INPP4B: variants seen among roughly 807,000 people sequenced by gnomAD.
INPP4B encodes inositol polyphosphate 4-phosphatase type II.
A neutral mutation model predicts 122.5 loss-of-function variants in INPP4B; 55 were observed. The observed-to-expected ratio is 0.45, with a 90% CI of 0.36 to 0.56. INPP4B has a LOEUF of 0.56. Among genes scored for constraint, INPP4B ranks in the 20% least tolerant of loss-of-function variants. The pLI, the probability that INPP4B is intolerant of heterozygous loss-of-function variation, is 0.00. For synonymous variants in INPP4B, 403 were observed against 388.7 expected, an observed-to-expected ratio of 1.04 and a Z score of -0.43; for missense variants, 1,000 against 1,097.7, an observed-to-expected ratio of 0.91 and a Z score of 1.26.
chr4:142,825,596 A>C (rs535509429), intron 1 of INPP4B, among the ~76,000 whole-genome samples: 7 of 152,118 alleles, frequency 4.6e-5, no homozygotes, highest in Admixed American at 4.6e-4. Flanking sequence ...ACCGTACTAC[A>C]AAGAAGCAAG....
intron 2 of INPP4B, among the ~76,000 whole-genome samples, chr4:142,624,562 C>T (rs982797374): frequency 6.6e-6 from 1 of 152,104 alleles, no homozygotes; most frequent in Non-Finnish European, 1.5e-5. Flanking sequence ...CAAGAAGGAA[C>T]TTGTACCATT....
At chr4:142,820,503 A>C (rs1580993586) in intron 1 of INPP4B, among the ~76,000 whole-genome samples, 1 of 152,260 alleles carries the variant, frequency 6.6e-6, no homozygotes, top group East Asian at 1.9e-4. Context: ...TACAGCCTGC[A>C]GAACTGTGAG....
chr4:142,606,683 C>T (rs1741341522), intron 2 of INPP4B, among the ~76,000 whole-genome samples: 2 of 151,998 alleles, frequency 1.3e-5, no homozygotes, highest in South Asian at 4.1e-4. Context: ...TCATATGCAA[C>T]ACTCTGGCCT....
At chr4:142,491,976 G>A (rs967079412) in intron 2 of INPP4B, among the ~76,000 whole-genome samples, 8 of 152,114 alleles carry the variant, frequency 5.3e-5, no homozygotes, top group Non-Finnish European at 1.0e-4. Flanking sequence ...ATCTTGAATT[G>A]TAGTTCCCAT....
At chr4:142,195,881 C>T (rs1373022572) in intron 14 of INPP4B, among the ~76,000 whole-genome samples, 1 of 152,180 alleles carries the variant, frequency 6.6e-6, no homozygotes, top group Non-Finnish European at 1.5e-5. Flanking sequence ...GTGGCAGGCC[C>T]TGACACTTCA....
chr4:142,288,959 C>G (rs1755115282), intron 9 of INPP4B, among the ~76,000 whole-genome samples: 1 of 152,138 alleles, frequency 6.6e-6, no homozygotes, highest in South Asian at 2.1e-4. Flanking sequence ...TGGAATATTG[C>G]TTGGGTTTAT....
At chr4:142,088,342 T>A (rs995069350) in intron 23 of INPP4B, among the ~76,000 whole-genome samples, 1 of 152,170 alleles carries the variant, frequency 6.6e-6, no homozygotes, top group African/African-American at 2.4e-5. Context: ...TGTTGATAAA[T>A]GGCAACCAAA....
At chr4:142,297,678 A>T (rs1204780155) in intron 9 of INPP4B, among the ~76,000 whole-genome samples, 1 of 152,220 alleles carries the variant, frequency 6.6e-6, no homozygotes, top group Non-Finnish European at 1.5e-5. Context: ...ACCATGAGCC[A>T]ATTAAACCTC....
intron 9 of INPP4B, among the ~76,000 whole-genome samples, chr4:142,293,895 T>C (rs1008178852): frequency 1.3e-5 from 2 of 152,198 alleles, no homozygotes; most frequent in African/African-American, 4.8e-5. Context: ...TGCAGCAACA[T>C]GGATGGAACT....
intron 2 of INPP4B, among the ~76,000 whole-genome samples, chr4:142,696,423 G>C (rs1761034349): frequency 6.6e-6 from 1 of 152,148 alleles, no homozygotes; most frequent in Non-Finnish European, 1.5e-5. Context: ...ATCTAGCTGA[G>C]GGGACAAAAT....
At chr4:142,731,161 G>C (rs995780369) in intron 1 of INPP4B, among the ~76,000 whole-genome samples, 1 of 151,970 alleles carries the variant, frequency 6.6e-6, no homozygotes, top group Non-Finnish European at 1.5e-5. Flanking sequence ...GCCCAAGTGT[G>C]TATTGTTCCC....
intron 18 of INPP4B, among the ~76,000 whole-genome samples, chr4:142,132,970 C>T (rs868056600): frequency 6.6e-6 from 1 of 152,144 alleles, no homozygotes; most frequent in East Asian, 1.9e-4. Flanking sequence ...AGGCTACTCT[C>T]GTCATCAAAG....
At chr4:142,204,202 T>A (rs892693140) in intron 14 of INPP4B, among the ~76,000 whole-genome samples, 2 of 152,122 alleles carry the variant, frequency 1.3e-5, no homozygotes, top group Non-Finnish European at 2.9e-5. Flanking sequence ...TGACCTAGTC[T>A]ACATAACAGC....
At chr4:142,333,361 T>C (rs946183456) in intron 7 of INPP4B, among the ~76,000 whole-genome samples, 3 of 152,178 alleles carry the variant, frequency 2.0e-5, no homozygotes, top group African/African-American at 7.2e-5. Context: ...CCTAAGTACA[T>C]TAAAGTCAGA....
chr4:142,182,021 T>A (rs1246218499), intron 15 of INPP4B, among the ~76,000 whole-genome samples: 1 of 152,210 alleles, frequency 6.6e-6, no homozygotes, highest in Non-Finnish European at 1.5e-5. Context: ...AATCCCTTCC[T>A]AAGCTAACAT....
intron 2 of INPP4B, among the ~76,000 whole-genome samples, chr4:142,646,225 T>TA (rs1751750508): frequency 6.6e-6 from 1 of 152,148 alleles, no homozygotes; most frequent in African/African-American, 2.4e-5. Flanking sequence ...AGTTGATTTT[T>TA]AAAAAAATTT....
intron 17 of INPP4B, among the ~76,000 whole-genome samples, chr4:142,149,938 G>A (rs1812904110): frequency 6.6e-6 from 1 of 152,188 alleles, no homozygotes; most frequent in Admixed American, 6.5e-5. Flanking sequence ...TAGAAGACTG[G>A]AGTACATGAT....
At chr4:142,334,383 T>C (rs1775797150) in intron 7 of INPP4B, among the ~76,000 whole-genome samples, 1 of 152,204 alleles carries the variant, frequency 6.6e-6, no homozygotes, top group South Asian at 2.1e-4. Flanking sequence ...GTCTTGGGTT[T>C]TGGGTATTGT....
At chr4:142,681,058 G>A (rs887524569) in intron 2 of INPP4B, among the ~76,000 whole-genome samples, 2 of 151,796 alleles carry the variant, frequency 1.3e-5, no homozygotes, top group South Asian at 4.1e-4. Flanking sequence ...CCATTTATAC[G>A]AAAGGCTGCT....
Sources: allele counts gnomAD v4.1 joint callset (sites outside exome capture counted in the v4.1 genomes callset), GRCh38; gene constraint gnomAD v4.1.1; transcripts MANE v1.5; gene names NCBI Gene and HGNC (gene_info 2026-07-23, HGNC 2026-07-21).